The following SORCS2 variants were observed in gnomAD, a reference collection of about 807,000 sequenced individuals.
The protein encoded by SORCS2 is sortilin related VPS10 domain containing receptor 2.
SORCS2 carries 100 observed loss-of-function variants against 141.6 expected under a neutral mutation model. The ratio of observed to expected loss-of-function variants is 0.71; its 90% confidence interval spans 0.60 to 0.83. SORCS2 has a LOEUF of 0.83. Among genes scored for constraint, SORCS2 ranks in the 40% least tolerant of loss-of-function variants. SORCS2 has a pLI of 0.00. For synonymous variants in SORCS2, 789 were observed against 676.9 expected (o/e 1.17, Z -2.57); for missense variants, 1,646 against 1,560.2 (o/e 1.05, Z -0.93).
At chr4:7,493,980 C>CA (rs1731458820) in intron 2 of SORCS2, among the ~76,000 whole-genome samples, 1 of 152,124 alleles carries the variant, frequency 6.6e-6, no homozygotes, top group African/African-American at 2.4e-5. Flanking sequence ...ACTTAACATA[C>CA]AGACAGCAAG....
rs1438438831 is a variant in SORCS2, at chr4:7,638,226, G to A, written c.649-102G>A. The A allele has an allele frequency of 2.2e-6, 3 of 1,352,018 alleles. No homozygotes were observed. In the East Asian group the frequency reaches 8.0e-5, roughly 36 times the overall value. 83.8% of individuals were successfully genotyped at this position (1,352,018 alleles called of 1,614,324 possible). On this transcript the variant is annotated intron_variant, in intron 3 of 26. Transcript: ENST00000507866. ...CAGGCCTCACAACCCCCTTTCTGGT[G>A]TGAGGGAGAGAGGCGCACCTGGCCC...
Position 7,432,688 on chromosome 4 carries a change from G to C in SORCS2, c.548+36333G>C, listed in dbSNP as rs114620595. 590 of 149,530 alleles carry C rather than the reference G, an allele frequency of 3.9e-3. 4 individuals are homozygous for C. The highest frequency in any genetic ancestry group is 4.5e-3 in the Non-Finnish European group (308 of 68,126). The allele number at this position is 149,530 out of a possible 1,614,324, so 9.3% of individuals were successfully genotyped here. ...GGACCCTGTAGTGGCTGAGACATGG[G>C]GGGGGACTGCTCCGAAGCCCAGCAG... On this transcript the variant is annotated intron_variant, in intron 2 of 26. Transcript: ENST00000507866.
chr4:7,413,127 G>A (rs1482789439), intron 2 of SORCS2, among the ~76,000 whole-genome samples: 1 of 152,034 alleles, frequency 6.6e-6, no homozygotes, highest in Non-Finnish European at 1.5e-5. Context: ...AATATGGGCA[G>A]GGCCAAATCC....
intron 2 of SORCS2, among the ~76,000 whole-genome samples, chr4:7,459,755 A>G (rs950904538): frequency 4.6e-5 from 7 of 152,094 alleles, no homozygotes; most frequent in African/African-American, 7.2e-5. Context: ...CCCTGCTCCC[A>G]TCACCCTCTG....
At chr4:7,280,725 T>C (rs1022017467) in intron 1 of SORCS2, among the ~76,000 whole-genome samples, 2 of 152,164 alleles carry the variant, frequency 1.3e-5, no homozygotes, top group Non-Finnish European at 2.9e-5. Flanking sequence ...GTGTTTAGGG[T>C]CCTGCCTCAG....
At chr4:7,356,458 G>A (rs1056082069) in intron 1 of SORCS2, among the ~76,000 whole-genome samples, 9 of 152,114 alleles carry the variant, frequency 5.9e-5, no homozygotes, top group African/African-American at 2.2e-4. Flanking sequence ...ATCCTCACAT[G>A]GCGTTGGCTC....
intron 11 of SORCS2, among the ~76,000 whole-genome samples, chr4:7,691,344 A>G (rs947061431): frequency 6.6e-6 from 1 of 152,200 alleles, no homozygotes; most frequent in African/African-American, 2.4e-5. Flanking sequence ...CCATGTTGTG[A>G]TGGCAGGAAT....
chr4:7,424,513 G>A (rs1461246842), intron 2 of SORCS2, among the ~76,000 whole-genome samples: 1 of 152,216 alleles, frequency 6.6e-6, no homozygotes, highest in Admixed American at 6.5e-5. Context: ...GGGAGGAAAT[G>A]CAGGCTTGGA....
intron 22 of SORCS2, 61 bp from the exon 23 acceptor site, chr4:7,729,526 C>T: frequency 6.5e-7 from 1 of 1,533,362 alleles, no homozygotes. Flanking sequence ...CCTGGGGGCC[C>T]CAGTATGAGG....
intron 1 of SORCS2, among the ~76,000 whole-genome samples, chr4:7,288,363 A>G (rs1175041251): frequency 6.6e-6 from 1 of 151,764 alleles, no homozygotes; most frequent in East Asian, 1.9e-4. Context: ...CCCATAGGGG[A>G]GTGAGGGGCT....
At chr4:7,429,698 G>A (rs1230083504) in intron 2 of SORCS2, among the ~76,000 whole-genome samples, 1 of 152,294 alleles carries the variant, frequency 6.6e-6, no homozygotes, top group Non-Finnish European at 1.5e-5. Context: ...TTAGGGATGA[G>A]GACCCTGAAC....
chr4:7,267,859 T>C (rs1049145728), intron 1 of SORCS2, among the ~76,000 whole-genome samples: 14 of 152,218 alleles, frequency 9.2e-5, no homozygotes, highest in African/African-American at 3.1e-4. Context: ...CTTGTCTGGG[T>C]CATCGGGGGT....
rs1167537423 is a variant in SORCS2, at chr4:7,193,235, C to T, written c.480+109C>T. On this transcript the variant is annotated intron_variant, in intron 1 of 26. Transcript: ENST00000507866. This position sits in a 1 kb window ranked among gnomAD's most constrained non-coding sequence, Gnocchi z 4.8. ...AGATCCCCACTATGGTCATCAGGGGCGGGTTCTTGGCGACTTGGGCACTTG... is the reference window on the plus strand; with the variant it reads ...AGATCCCCACTATGGTCATCAGGGGTGGGTTCTTGGCGACTTGGGCACTTG... The T allele has an allele frequency of 1.7e-5, 22 of 1,269,924 alleles. No homozygotes were observed. The highest frequency in any genetic ancestry group is 2.2e-5 in the Non-Finnish European group (22 of 1,003,304). 78.7% of individuals were successfully genotyped at this position (1,269,924 alleles called of 1,614,324 possible).
intron 1 of SORCS2, among the ~76,000 whole-genome samples, chr4:7,212,241 A>G (rs1201855804): frequency 6.6e-6 from 1 of 152,140 alleles, no homozygotes; most frequent in Non-Finnish European, 1.5e-5. Flanking sequence ...ACAGGTCAGC[A>G]TGTGGTTGTG....
chr4:7,723,865 C>G lies in SORCS2; in HGVS notation c.2593C>G (p.Leu865Val). The G allele has an allele frequency of 6.2e-7, 1 of 1,607,618 alleles. No homozygotes were observed. The highest frequency in any genetic ancestry group is 8.5e-7 in the Non-Finnish European group (1 of 1,178,828). Residue 865 changes from leucine (L) to valine (V), a missense_variant, in exon 19 of 27, where the codon CTC (leucine) becomes GTC (valine). Transcript: ENST00000507866. ...ENTAGHDEAV[L>V]FVQVNSPLQA... is the part of the protein sequence containing the mutation. The stretch of plus-strand genomic sequence containing the variant: ...CACGGCAGGCCACGATGAGGCGGTG[C>G]TCTTTGTCCAGGTCAACTGTAAGTT...
chr4:7,543,784 T>TC lies in SORCS2; in HGVS notation c.648+12156dup, dbSNP rs1553881832. 1.5e-3 allele frequency among the ~76,000 whole-genome samples: 20 copies of TC among 13,620 alleles called. 2 individuals carry two copies. The highest frequency in any genetic ancestry group is 0.01 in the South Asian group (1 of 100). 8.9% of individuals were successfully genotyped at this position (13,620 alleles called of 152,430 possible). On this transcript the variant is annotated intron_variant, in intron 3 of 26. Transcript: ENST00000507866. ...CCCACCCATCCGTCCATCCATCCACTCATCCATCCATCCATCCATCCATCC... is the reference window on the plus strand; with the variant it reads ...CCCACCCATCCGTCCATCCATCCACTCCATCCATCCATCCATCCATCCATCC...
At chr4:7,294,349 G>A (rs1282851691) in intron 1 of SORCS2, among the ~76,000 whole-genome samples, 1 of 152,136 alleles carries the variant, frequency 6.6e-6, no homozygotes, top group Non-Finnish European at 1.5e-5. Context: ...TAACCAGGAC[G>A]GGGCTAGGTG....
intron 12 of SORCS2, among the ~76,000 whole-genome samples, chr4:7,701,395 C>G (rs1009585665): frequency 6.6e-6 from 1 of 152,146 alleles, no homozygotes; most frequent in Non-Finnish European, 1.5e-5. Flanking sequence ...TTCCTAAGAG[C>G]AGTGGGAAAT....
At chr4:7,371,114 C>T (rs913102841) in intron 1 of SORCS2, among the ~76,000 whole-genome samples, 1 of 152,204 alleles carries the variant, frequency 6.6e-6, no homozygotes, top group African/African-American at 2.4e-5. Flanking sequence ...GGGAGCACTT[C>T]ACATGGAGAG....
Sources: gnomAD v4.1 joint callset for allele counts (sites outside exome capture counted in the v4.1 genomes callset) on GRCh38, gnomAD v4.1.1 for gene constraint, Gnocchi (gnomAD v3.1) non-coding constraint, MANE v1.5 for transcripts, NCBI Gene and HGNC (gene_info 2026-07-23, HGNC 2026-07-21) for gene names.